Variants in MECOM observed in about 807,000 individuals in gnomAD.
The protein encoded by MECOM is MDS1 and EVI1 complex locus.
In MECOM, 13 loss-of-function variants were observed where a neutral mutation model predicts 116.3. The ratio of observed to expected loss-of-function variants is 0.11; its 90% confidence interval spans 0.07 to 0.18. The LOEUF (loss-of-function observed/expected upper bound fraction) is 0.18. Ranked by LOEUF, MECOM falls within the 10% of genes least tolerant of loss-of-function variation. The pLI, the probability that MECOM is intolerant of heterozygous loss-of-function variation, is 1.00. For missense variants in MECOM, 1,299 were observed against 1,509.0 expected (o/e 0.86, Z 2.31); for synonymous variants, 528 against 535.2 (o/e 0.99, Z 0.19).
At chr3:169,492,856 A>G (rs1428212682) in intron 1 of MECOM, among the ~76,000 whole-genome samples, 1 of 152,146 alleles carries the variant, frequency 6.6e-6, no homozygotes, top group Non-Finnish European at 1.5e-5. Context: ...GCTACTCAGG[A>G]GGCTGAGGCA....
intron 1 of MECOM, among the ~76,000 whole-genome samples, chr3:169,585,194 C>T (rs953193084): frequency 9.2e-5 from 14 of 152,258 alleles, no homozygotes; most frequent in Admixed American, 8.5e-4. Flanking sequence ...TGTGTCTTTA[C>T]CTGCCTGGAG....
At chr3:169,111,406 AAAGG>A (rs941526155) in intron 9 of MECOM, among the ~76,000 whole-genome samples, 2 of 152,190 alleles carry the variant, frequency 1.3e-5, no homozygotes, top group Non-Finnish European at 2.9e-5. Flanking sequence ...TTATAATTAT[AAAGG>A]AAGTATCAAG....
chr3:169,608,901 C>T (rs975526224), intron 1 of MECOM, among the ~76,000 whole-genome samples: 11 of 151,886 alleles, frequency 7.2e-5, no homozygotes, highest in Non-Finnish European at 1.3e-4. Flanking sequence ...TTTTTTTAGC[C>T]TTAAGCAAAA....
intron 1 of MECOM, among the ~76,000 whole-genome samples, chr3:169,431,874 C>T (rs1241513073): frequency 1.3e-5 from 2 of 152,098 alleles, no homozygotes; most frequent in Non-Finnish European, 2.9e-5. Flanking sequence ...CATGCTCCAT[C>T]TAAAGGAGGG....
In MECOM at chr3:169,140,091, G is replaced by A. The variant is rs567003287; in HGVS notation, c.510+3607C>T. On this transcript the variant is annotated intron_variant, in intron 3 of 16. Transcript: ENST00000651503. ...ATTTTTATGCTTCCTCTCTATATTG[G>A]TCCTCTTGAGGACCTAGTCTGGAAA... Among the ~76,000 whole-genome samples the A allele has an allele frequency of 2.0e-5, 3 of 151,112 alleles. No homozygotes were observed. The South Asian group carries it at 6.3e-4, about 32-fold the overall frequency.
chr3:169,232,531 T>C (rs1394472028), intron 2 of MECOM, among the ~76,000 whole-genome samples: 1 of 151,478 alleles, frequency 6.6e-6, no homozygotes, highest in Non-Finnish European at 1.5e-5. Context: ...TTGGAGAGAG[T>C]AACATCAGAA....
intron 2 of MECOM, among the ~76,000 whole-genome samples, chr3:169,246,704 T>A (rs952458503): frequency 6.6e-6 from 1 of 152,084 alleles, no homozygotes; most frequent in Non-Finnish European, 1.5e-5. Flanking sequence ...GTATTTTTAG[T>A]AGAGACAGGG....
intron 2 of MECOM, among the ~76,000 whole-genome samples, chr3:169,271,416 T>A (rs1758927826): frequency 6.6e-6 from 1 of 152,222 alleles, no homozygotes; most frequent in African/African-American, 2.4e-5. Flanking sequence ...CAATTGCTTA[T>A]GGAGAAAGCC....
chr3:169,439,699 C>A (rs1171463333), intron 1 of MECOM, among the ~76,000 whole-genome samples: 1 of 152,080 alleles, frequency 6.6e-6, no homozygotes, highest in Non-Finnish European at 1.5e-5. Flanking sequence ...TGTGCTATAT[C>A]CCTGACATGC....
chr3:169,280,378 T>C (rs1164573540), intron 2 of MECOM, among the ~76,000 whole-genome samples: 1 of 152,224 alleles, frequency 6.6e-6, no homozygotes, highest in Admixed American at 6.5e-5. Flanking sequence ...CCAACAATGA[T>C]TGTAGTTATA....
intron 1 of MECOM, among the ~76,000 whole-genome samples, chr3:169,471,708 G>A (rs1483616645): frequency 6.6e-6 from 1 of 152,090 alleles, no homozygotes; most frequent in African/African-American, 2.4e-5. Context: ...TTTCCTCCTG[G>A]CTCCTCATCA....
At chr3:169,483,734 C>CT in intron 1 of MECOM, 1 of 1,592,644 alleles carries the variant, frequency 6.3e-7, no homozygotes, top group Non-Finnish European at 8.6e-7. Flanking sequence ...ATTCGTAACT[C>CT]TCTTTGCTGT....
At chr3:169,472,675 G>A (rs375757832) in intron 1 of MECOM, among the ~76,000 whole-genome samples, 11,813 of 70,578 alleles carry the variant, frequency 0.17, 2,213 homozygotes, top group Middle Eastern at 0.22. Flanking sequence ...AAGGAAAGGA[G>A]AGGAGAGGAA....
At chr3:169,615,224 G>A (rs1577119504) in intron 1 of MECOM, among the ~76,000 whole-genome samples, 2 of 152,128 alleles carry the variant, frequency 1.3e-5, no homozygotes, top group African/African-American at 4.8e-5. Context: ...TACCCACCAC[G>A]TTCATGTCTC....
At chr3:169,094,719 A>G (rs1009446367) in intron 13 of MECOM, among the ~76,000 whole-genome samples, 1 of 152,208 alleles carries the variant, frequency 6.6e-6, no homozygotes, top group African/African-American at 2.4e-5. Flanking sequence ...GCTACTCTAG[A>G]GACTCTGCCA....
intron 1 of MECOM, among the ~76,000 whole-genome samples, chr3:169,508,043 C>A (rs150664317): frequency 6.6e-6 from 1 of 152,224 alleles, no homozygotes; most frequent in African/African-American, 2.4e-5. Context: ...GAAAAGAACT[C>A]TTTTAAGAGA....
chr3:169,323,289 C>A (rs988112024), intron 2 of MECOM, among the ~76,000 whole-genome samples: 1 of 152,142 alleles, frequency 6.6e-6, no homozygotes, highest in African/African-American at 2.4e-5. Flanking sequence ...CTTTACCCCT[C>A]CTTCCCCCAG....
chr3:169,318,617 G>A (rs1175505890), intron 2 of MECOM, among the ~76,000 whole-genome samples: 3 of 152,096 alleles, frequency 2.0e-5, no homozygotes, highest in Admixed American at 6.5e-5. Flanking sequence ...GTCAGGAAAC[G>A]ACAGATGCTG....
Position 169,207,459 on chromosome 3 carries a change from A to G in MECOM, c.376-63627T>C, listed in dbSNP as rs74434679. On this transcript the variant is annotated intron_variant, in intron 2 of 16. Coordinates refer to ENST00000651503, the MANE Select transcript of MECOM (RefSeq NM_004991.4). ...ACTGATATAAGAAACTATTTTTAAT[A>G]ATATAGATATAAGAAAAGATCATCT... Among the ~76,000 whole-genome samples the G allele has an allele frequency of 8.0e-3, 1,211 of 152,302 alleles. 15 individuals carry two copies. Among genetic ancestry groups the G allele is most frequent in the African/African-American group, 0.028 (1,148 of 41,570 alleles).
Sources: allele counts gnomAD v4.1 joint callset (sites outside exome capture counted in the v4.1 genomes callset), GRCh38; gene constraint gnomAD v4.1.1; transcripts MANE v1.5; gene names NCBI Gene and HGNC (gene_info 2026-07-23, HGNC 2026-07-21).